Variants in GPBP1L1 observed in about 807,000 individuals in gnomAD.
GPBP1L1 encodes vasculin-like protein 1.
Under a neutral mutation model 52.5 loss-of-function variants are expected in GPBP1L1, and 23 were observed. The observed-to-expected ratio is 0.44, with a 90% CI of 0.32 to 0.62. The LOEUF (loss-of-function observed/expected upper bound fraction) is 0.62. Ranked by LOEUF, GPBP1L1 falls within the 20% of genes least tolerant of loss-of-function variation. The probability of loss-of-function intolerance (pLI) is 0.06; values close to 1 mark genes in which losing one functional copy is unlikely to be tolerated. For synonymous variants in GPBP1L1, 243 were observed against 203.1 expected (o/e 1.20, Z -1.67); for missense variants, 596 against 579.3 (o/e 1.03, Z -0.30).
chr1:45,659,903 T>C (rs1309951388), intron 3 of GPBP1L1, among the ~76,000 whole-genome samples: 1 of 152,116 alleles, frequency 6.6e-6, no homozygotes, highest in Non-Finnish European at 1.5e-5. Flanking sequence ...ATTGCACCAC[T>C]GCACTCCAGC....
At chr1:45,645,996 A>T in intron 6 of GPBP1L1, 1 of 508,462 alleles carries the variant, frequency 2.0e-6, no homozygotes, top group Non-Finnish European at 3.9e-6. Context: ...ACACTTGTTT[A>T]GCCTGCCTGT....
At chr1:45,658,800 G>C (rs1644913042) in intron 4 of GPBP1L1, 1 of 486,702 alleles carries the variant, frequency 2.1e-6, no homozygotes, top group Admixed American at 3.8e-5. Flanking sequence ...AATTAGCAGG[G>C]CGTGGTGGTA....
At chr1:45,655,110 A>G (rs1236506061) in intron 5 of GPBP1L1, 80 bp downstream of exon 5, 2 of 1,535,102 alleles carry the variant, frequency 1.3e-6, no homozygotes, top group East Asian at 4.5e-5. Flanking sequence ...CTATTTCAAG[A>G]TTACAGACAT....
intron 6 of GPBP1L1, chr1:45,645,772 T>TG (rs958323468): frequency 5.7e-6 from 2 of 352,064 alleles, no homozygotes; most frequent in African/African-American, 4.4e-5. Flanking sequence ...TTTTTTGTTT[T>TG]TTTTTTTTTT....
At chr1:45,668,513 G>A (rs1211104969) in intron 2 of GPBP1L1, among the ~76,000 whole-genome samples, 1 of 152,112 alleles carries the variant, frequency 6.6e-6, no homozygotes, top group African/African-American at 2.4e-5. Context: ...AATTAGCCGG[G>A]CATGATGGCA....
intron 8 of GPBP1L1, 184 bp from the exon 9 acceptor site, chr1:45,634,420 G>T: frequency 1.9e-6 from 1 of 517,996 alleles, no homozygotes; most frequent in Non-Finnish European, 3.4e-6. Flanking sequence ...GAAAATGGTA[G>T]ATGGGATACA....
chr1:45,651,740 G>A (rs1569818211), intron 6 of GPBP1L1: 3 of 380,210 alleles, frequency 7.9e-6, no homozygotes, highest in Non-Finnish European at 1.4e-5. Flanking sequence ...CTTAAATAGC[G>A]GATTCACCAC....
intron 6 of GPBP1L1, among the ~76,000 whole-genome samples, chr1:45,650,766 C>T (rs1028279814): frequency 6.6e-6 from 1 of 152,272 alleles, no homozygotes. Context: ...CTGCTCTACA[C>T]CTCCCTTCTT....
intron 2 of GPBP1L1, among the ~76,000 whole-genome samples, chr1:45,668,962 C>T (rs7529699): frequency 0.28 from 43,105 of 151,866 alleles, 6,246 homozygotes; most frequent in South Asian, 0.37. Flanking sequence ...GAGACTGTGT[C>T]TAAAAAAATA....
intron 2 of GPBP1L1, among the ~76,000 whole-genome samples, chr1:45,675,782 C>A (rs1645132280): frequency 6.6e-6 from 1 of 152,172 alleles, no homozygotes; most frequent in Non-Finnish European, 1.5e-5. Flanking sequence ...GTCAAGCAAT[C>A]CACCAGCCTC....
intron 8 of GPBP1L1, 124 bp from the exon 9 acceptor site, chr1:45,634,360 T>A: frequency 2.0e-6 from 2 of 998,574 alleles, no homozygotes; most frequent in Non-Finnish European, 2.8e-6. Flanking sequence ...TTACCTGTCT[T>A]AACATGTTTG....
chr1:45,672,733 G>C (rs1271756665), intron 2 of GPBP1L1, among the ~76,000 whole-genome samples: 1 of 152,150 alleles, frequency 6.6e-6, no homozygotes, highest in East Asian at 1.9e-4. Context: ...AGATTGGGGA[G>C]ACTGAGGAAA....
chr1:45,656,669 CTTT>C (rs531524977), intron 4 of GPBP1L1, among the ~76,000 whole-genome samples: 7 of 139,890 alleles, frequency 5.0e-5, no homozygotes, highest in Non-Finnish European at 6.3e-5. Flanking sequence ...ATACATAAGC[CTTT>C]TTTTTTTTTT....
At chr1:45,662,495 T>C (rs1644958445) in intron 2 of GPBP1L1, among the ~76,000 whole-genome samples, 1 of 152,226 alleles carries the variant, frequency 6.6e-6, no homozygotes, top group Non-Finnish European at 1.5e-5. Context: ...TGGGCAATTC[T>C]GGTCTATACT....
chr1:45,652,788 G>T (rs1356613624), intron 6 of GPBP1L1, among the ~76,000 whole-genome samples: 3 of 151,808 alleles, frequency 2.0e-5, no homozygotes, highest in African/African-American at 7.3e-5. Flanking sequence ...GGCTATAGGT[G>T]CACGCCACCC....
chr1:45,629,051 G>C (rs140051564), intron 12 of GPBP1L1, among the ~76,000 whole-genome samples: 74 of 152,322 alleles, frequency 4.9e-4, no homozygotes, highest in Non-Finnish European at 7.9e-4. Context: ...CAATTGTGCT[G>C]TAAATACAGG....
At chr1:45,673,722 C>T (rs987125784) in intron 2 of GPBP1L1, among the ~76,000 whole-genome samples, 3 of 152,088 alleles carry the variant, frequency 2.0e-5, no homozygotes, top group Non-Finnish European at 2.9e-5. Context: ...ATTAGCCAGG[C>T]GTAATGGCAC....
chr1:45,646,560 ATTT>A (rs199539916), intron 6 of GPBP1L1, among the ~76,000 whole-genome samples: 1 of 144,884 alleles, frequency 6.9e-6, no homozygotes, highest in Non-Finnish European at 1.5e-5. Flanking sequence ...ACTTTTCAGT[ATTT>A]TTTTTTTTTT....
Position 45,660,654 on chromosome 1 carries a change from A to G in GPBP1L1, c.-526T>C, listed in dbSNP as rs1292144550. On this transcript the variant is annotated 5_prime_UTR_variant, in exon 3 of 13. Coordinates refer to ENST00000355105, the MANE Select transcript of GPBP1L1 (RefSeq NM_021639.5). ...ATGTCATCAAGGTAATAGATCAAAAATATTAAAGCCCTATAAAAGATCTGA... is the reference window on the plus strand; with the variant it reads ...ATGTCATCAAGGTAATAGATCAAAAGTATTAAAGCCCTATAAAAGATCTGA... 1 of 624,012 alleles carries G rather than the reference A, an allele frequency of 1.6e-6. No homozygotes were observed. The highest frequency in any genetic ancestry group is 2.0e-5 in the African/African-American group (1 of 50,152). The allele number at this position is 624,012 out of a possible 1,614,324, so 38.7% of individuals were successfully genotyped here. A position where few individuals can be genotyped will look rare whatever the true frequency, so the allele number is the denominator to read the frequency against.
Sources: gnomAD v4.1 joint callset for allele counts (sites outside exome capture counted in the v4.1 genomes callset) on GRCh38, gnomAD v4.1.1 for gene constraint, MANE v1.5 for transcripts, NCBI Gene and HGNC (gene_info 2026-07-23, HGNC 2026-07-21) for gene names.